The following MCCC2 variants were observed in gnomAD, a reference collection of about 807,000 sequenced individuals.
MCCC2 encodes methylcrotonoyl-CoA carboxylase beta chain, mitochondrial.
MCCC2 carries 52 observed loss-of-function variants against 77.2 expected under a neutral mutation model. That is an observed-to-expected ratio of 0.67 (90% confidence interval 0.54 to 0.85). MCCC2 has a LOEUF of 0.85. Among genes scored for constraint, MCCC2 ranks in the 40% least tolerant of loss-of-function variants. MCCC2 has a pLI of 0.00. For synonymous variants in MCCC2, 253 were observed against 248.4 expected (o/e 1.02, Z -0.18); for missense variants, 682 against 703.2 (o/e 0.97, Z 0.34).
intron 6 of MCCC2, among the ~76,000 whole-genome samples, chr5:71,625,125 G>A (rs1478877220): frequency 1.3e-5 from 2 of 152,078 alleles, no homozygotes; most frequent in Non-Finnish European, 1.5e-5. Flanking sequence ...GTTTTCATGG[G>A]ACTCTGCCAT....
At chr5:71,643,692 A>T in intron 11 of MCCC2, 127 bp from the exon 12 acceptor site, 1 of 1,587,708 alleles carries the variant, frequency 6.3e-7, no homozygotes, top group Non-Finnish European at 8.6e-7. Context: ...TTTATACCAT[A>T]GACAAAATCT....
At chr5:71,613,512 AG>A (rs1489911760) in intron 6 of MCCC2, among the ~76,000 whole-genome samples, 10 of 152,136 alleles carry the variant, frequency 6.6e-5, no homozygotes, top group Admixed American at 5.2e-4. Context: ...AAAAAATATT[AG>A]GGCTGGGCGT....
chr5:71,597,521 C>T (rs1025530054), intron 3 of MCCC2, among the ~76,000 whole-genome samples: 22 of 99,356 alleles, frequency 2.2e-4, no homozygotes, highest in African/African-American at 5.5e-4. Context: ...GATGGGGACT[C>T]GGCATAGGGT....
At chr5:71,607,186 G>C (rs1446272584) in intron 6 of MCCC2, among the ~76,000 whole-genome samples, 1 of 151,956 alleles carries the variant, frequency 6.6e-6, no homozygotes, top group Non-Finnish European at 1.5e-5. Context: ...GTAGAATTCG[G>C]CTGTGAATCC....
chr5:71,644,453 C>A (rs972760398), intron 12 of MCCC2, among the ~76,000 whole-genome samples: 1 of 151,838 alleles, frequency 6.6e-6, no homozygotes, highest in African/African-American at 2.4e-5. Context: ...AAAGGAAGTT[C>A]TTTTTATTTA....
intron 16 of MCCC2, among the ~76,000 whole-genome samples, chr5:71,655,574 A>C (rs371154626): frequency 3.3e-5 from 5 of 152,196 alleles, no homozygotes; most frequent in Admixed American, 2.6e-4. Flanking sequence ...AGATGACAAG[A>C]GTGGCTTTCT....
In MCCC2 at chr5:71,633,306, T is replaced by C. The variant is rs79799150; in HGVS notation, c.803+1121T>C. The stretch of plus-strand genomic sequence containing the variant: ...TGACTATTTAAAAAAAGTAAAGCTG[T>C]AGGCAATATATTATGTTAAGGGTGT... On this transcript the variant is annotated intron_variant, in intron 8 of 16. Coordinates refer to ENST00000340941, the MANE Select transcript of MCCC2 (RefSeq NM_022132.5). 2.9e-4 allele frequency among the ~76,000 whole-genome samples: 44 copies of C among 151,622 alleles called. No homozygotes were observed. In the East Asian group the frequency reaches 8.3e-3, roughly 29 times the overall value.
intron 12 of MCCC2, among the ~76,000 whole-genome samples, chr5:71,644,451 T>C (rs961907434): frequency 6.6e-6 from 1 of 151,994 alleles, no homozygotes; most frequent in African/African-American, 2.4e-5. Context: ...AAAAAGGAAG[T>C]TCTTTTTATT....
intron 16 of MCCC2, among the ~76,000 whole-genome samples, chr5:71,655,844 A>G (rs764316924): frequency 1.1e-4 from 17 of 152,344 alleles, no homozygotes; most frequent in Non-Finnish European, 2.2e-4. Flanking sequence ...TTCTGCAAGC[A>G]GTTTAAAGTT....
At chr5:71,635,354 G>C in intron 10 of MCCC2, 108 bp downstream of exon 10, 1 of 958,132 alleles carries the variant, frequency 1.0e-6, no homozygotes, top group Non-Finnish European at 1.7e-6. Flanking sequence ...CCTAGAAATA[G>C]ATGTGGATCT....
chr5:71,619,073 C>T (rs1004044896), intron 6 of MCCC2, among the ~76,000 whole-genome samples: 2 of 152,114 alleles, frequency 1.3e-5, no homozygotes, highest in Admixed American at 1.3e-4. Flanking sequence ...ATTTTCACTT[C>T]TTTTTGGAGA....
chr5:71,636,893 G>A (rs893184972), intron 10 of MCCC2, among the ~76,000 whole-genome samples: 23 of 151,320 alleles, frequency 1.5e-4, no homozygotes, highest in East Asian at 7.9e-4. Context: ...ACAGGCACCC[G>A]CCACCATACC....
intron 6 of MCCC2, among the ~76,000 whole-genome samples, chr5:71,612,096 G>A (rs1209419034): frequency 2.0e-5 from 3 of 151,994 alleles, no homozygotes; most frequent in Non-Finnish European, 2.9e-5. Context: ...GAGCCACCGC[G>A]CCTGGTCAAA....
chr5:71,613,902 A>G (rs1164875746), intron 6 of MCCC2, among the ~76,000 whole-genome samples: 5 of 151,734 alleles, frequency 3.3e-5, no homozygotes, highest in Non-Finnish European at 1.5e-5. Context: ...AAAAGATACT[A>G]TGGAGACTCA....
At position 71,592,723 on chromosome 5, in the gene MCCC2, A is replaced by C; in HGVS notation, c.130-203A>C. 6.4e-6 allele frequency: 4 copies of C among 622,130 alleles called. No homozygotes were observed. The South Asian group carries it at 7.9e-5, about 12-fold the overall frequency. The allele number at this position is 622,130 out of a possible 1,614,324, so 38.5% of individuals were successfully genotyped here. A position where few individuals can be genotyped will look rare whatever the true frequency, so the allele number is the denominator to read the frequency against. On this transcript the variant is annotated intron_variant, in intron 1 of 16. Transcript: ENST00000340941. ...ATGGACAAGTGGGGTGGTGAAGAAGAGCTTGAACAAGACAGGCAGGGGTGA... is the reference window on the plus strand; with the variant it reads ...ATGGACAAGTGGGGTGGTGAAGAAGCGCTTGAACAAGACAGGCAGGGGTGA...
In MCCC2 at chr5:71,613,606, C is replaced by T. The variant is rs953002114; in HGVS notation, c.624+9138C>T. Among the ~76,000 whole-genome samples the T allele has an allele frequency of 3.6e-4, 55 of 152,170 alleles. 1 individual carries two copies. Among genetic ancestry groups the T allele is most frequent in the Middle Eastern group, 3.4e-3 (1 of 294 alleles). ...AGCCCAGGTGAGACCAGCCTGGGCA[C>T]ACACCTGTGGTCCTAGCTGTTTGGG... On this transcript the variant is annotated intron_variant, in intron 6 of 16. Coordinates refer to ENST00000340941, the MANE Select transcript of MCCC2 (RefSeq NM_022132.5).
At chr5:71,628,819 T>G (rs1419317552) in intron 7 of MCCC2, among the ~76,000 whole-genome samples, 1 of 152,238 alleles carries the variant, frequency 6.6e-6, no homozygotes, top group Non-Finnish European at 1.5e-5. Context: ...ATTTGTATAC[T>G]TCTATATGCA....
intron 6 of MCCC2, among the ~76,000 whole-genome samples, chr5:71,624,369 CCTTT>C (rs908061961): frequency 9.2e-5 from 14 of 152,080 alleles, no homozygotes; most frequent in African/African-American, 3.4e-4. Context: ...TTTCTTTCTT[CCTTT>C]CTTTTTCTTT....
intron 7 of MCCC2, among the ~76,000 whole-genome samples, chr5:71,627,112 C>T (rs911431344): frequency 1.3e-5 from 2 of 152,184 alleles, no homozygotes; most frequent in Non-Finnish European, 2.9e-5. Context: ...TTGTGATAGA[C>T]GTATTTCACT....
Sources: gnomAD v4.1 joint callset for allele counts (sites outside exome capture counted in the v4.1 genomes callset) on GRCh38, gnomAD v4.1.1 for gene constraint, MANE v1.5 for transcripts, NCBI Gene and HGNC (gene_info 2026-07-23, HGNC 2026-07-21) for gene names.